C5: variants seen among roughly 807,000 people sequenced by gnomAD.
C5 encodes C3 and PZP-like alpha-2-macroglobulin domain-containing protein 4.
A neutral mutation model predicts 218.8 loss-of-function variants in C5; 140 were observed. The ratio of observed to expected loss-of-function variants is 0.64; its 90% CI spans 0.56 to 0.74. The LOEUF is 0.74. C5 is among the 30% of genes least tolerant of loss of function. The pLI is 0.00. For missense variants in C5, 1,700 were observed against 1,969.6 expected (o/e 0.86, Z 2.59); for synonymous variants, 614 against 682.3 (o/e 0.90, Z 1.56).
intron 5 of C5, among the ~76,000 whole-genome samples, chr9:121,033,902 TTTCC>T (rs41308014): frequency 0.22 from 33,384 of 148,972 alleles, 4,524 homozygotes; most frequent in African/African-American, 0.38. Flanking sequence ...TCCCTCTTTC[TTTCC>T]TTCCTTCCTT....
At chr9:121,005,648 C>G (rs545137753) in intron 20 of C5, among the ~76,000 whole-genome samples, 2 of 152,298 alleles carry the variant, frequency 1.3e-5, no homozygotes, top group South Asian at 4.1e-4. Flanking sequence ...GATGAATTCA[C>G]CCTTCTCTGG....
At chr9:121,053,484 A>ACC (rs1187999692), upstream of C5, among the ~76,000 whole-genome samples, 2 of 151,554 alleles carry the variant, frequency 1.3e-5, no homozygotes, top group East Asian at 1.9e-4. Context: ...GCTGAATAGA[A>ACC]CCCCCCCCGA....
chr9:120,979,032 G>A (rs1253884046), intron 28 of C5, among the ~76,000 whole-genome samples: 3 of 152,114 alleles, frequency 2.0e-5, no homozygotes, highest in Non-Finnish European at 2.9e-5. Context: ...CTTTGTCCAC[G>A]GCACAACTGT....
chr9:121,027,311 G>T, intron 7 of C5, 37 bp from the exon 8 acceptor site: 2 of 960,302 alleles, frequency 2.1e-6, no homozygotes, highest in South Asian at 1.3e-5. Context: ...TTACTAACAT[G>T]GTTACAATAA....
Position 121,005,970 on chromosome 9 carries a change from T to C in C5, c.2511A>G (p.Glu837=), listed in dbSNP as rs772315238. The change falls in exon 20 of 41, where the codon GAA becomes GAG. Residue 837 remains glutamate, a synonymous_variant. Transcript: ENST00000223642. The part of the protein sequence containing the change: ...MNIPYSVVRG[E]QIQLKGTVYN... ...AAACAGTTCCTTTCAATTGGATCTG[T>C]TCTCCTCGTACAACAGAATATGGTA... 3.7e-6 allele frequency: 6 copies of C among 1,613,654 alleles called. No individual in the cohort carries two copies. The East Asian group carries it at 8.9e-5, about 24-fold the overall frequency.
Position 120,982,768 on chromosome 9 carries a change from C to G in C5, c.3277G>C (p.Val1093Leu), listed in dbSNP as rs371131390. Reference sequence around the variant, plus strand: ...CAAATTGAATTTTGGTTCTGCTCTACGTATTTATTTACTTGTCCAAGTACT... The same window carrying G: ...CAAATTGAATTTTGGTTCTGCTCTAGGTATTTATTTACTTGTCCAAGTACT... ...LRVLGQVNKY[V>L]EQNQNSICNS... The change falls in exon 26 of 41, where the codon GTA becomes CTA. Residue 1093 changes from valine (V) to leucine (L), a missense_variant. Coordinates refer to ENST00000223642, the MANE Select transcript of C5 (RefSeq NM_001735.3). 3 of 1,600,560 alleles carry G rather than the reference C, an allele frequency of 1.9e-6. No individual in the cohort carries two copies. Among genetic ancestry groups the G allele is most frequent in the Non-Finnish European group, 1.7e-6 (2 of 1,168,566 alleles).
intron 37 of C5, among the ~76,000 whole-genome samples, chr9:120,960,719 T>C (rs571998411): frequency 6.6e-6 from 1 of 152,366 alleles, no homozygotes; most frequent in East Asian, 1.9e-4. Context: ...ATTTTATGTA[T>C]GGCCCAAGAC....
At chr9:121,008,334 A>T in intron 18 of C5, 74 bp downstream of exon 18, 1 of 993,898 alleles carries the variant, frequency 1.0e-6, no homozygotes, top group Non-Finnish European at 1.6e-6. Flanking sequence ...GGAAATGGGT[A>T]GTTTCTAGAT....
At chr9:120,983,538 T>C (rs41311897) in intron 25 of C5, among the ~76,000 whole-genome samples, 11,562 of 152,306 alleles carry the variant, frequency 0.076, 485 homozygotes, top group Non-Finnish European at 0.091. Context: ...TTCTTTTTCA[T>C]TTTCATTTTT....
Position 120,952,632 on chromosome 9 carries a change from C to A in C5, c.*107G>T. The A allele has an allele frequency of 1.8e-6, 2 of 1,137,884 alleles. No homozygotes were observed. Among genetic ancestry groups the A allele is most frequent in the Non-Finnish European group, 2.6e-6 (2 of 777,298 alleles). The allele number at this position is 1,137,884 out of a possible 1,614,324, so 70.5% of individuals were successfully genotyped here. ...CTAATTCTAAGTAAAGTGAGCTTTA[C>A]AAATAAGACCAGCTATGAATGTTTA... On this transcript the variant is annotated 3_prime_UTR_variant, in exon 41 of 41. Coordinates refer to ENST00000223642, the MANE Select transcript of C5 (RefSeq NM_001735.3).
At position 120,969,108 on chromosome 9, in the gene C5, G is replaced by T. The variant is rs1473909186; in HGVS notation, c.4173C>A (p.Tyr1391Ter). ...TGTAATCAGAGTTTCCGTAGCCTCT[G>T]TAGTGGGATGCTGGCACATAAGACA... ...IDTQDIEASH[Y>*]RGYGNSDYKR... Residue 1391 changes from tyrosine (Y) to a stop codon, truncating the protein, a stop_gained, in exon 33 of 41, where the codon TAC (tyrosine) becomes TAA (stop). Coordinates refer to ENST00000223642, the MANE Select transcript of C5 (RefSeq NM_001735.3). LOFTEE classifies it high-confidence loss of function. 2 of 1,613,724 alleles carry T rather than the reference G, an allele frequency of 1.2e-6. No individual in the cohort carries two copies. Among genetic ancestry groups the T allele is most frequent in the East Asian group, 4.5e-5 (2 of 44,876 alleles).
rs373834514 is a variant in C5 at position 120,997,427 on chromosome 9, T to C, written c.2790+120A>G. On this transcript the variant is annotated intron_variant, in intron 21 of 40. Coordinates refer to ENST00000223642, the MANE Select transcript of C5 (RefSeq NM_001735.3). ...CAAAAAAAATCTGGAATAACCTCCA[T>C]CCAGTTTCCTTAATGCTTAATGTTT... 2.2e-4 allele frequency: 175 copies of C among 785,692 alleles called. 1 individual carries two copies. The African/African-American group carries it at 2.7e-3, about 12-fold the overall frequency. The allele number at this position is 785,692 out of a possible 1,614,324, so 48.7% of individuals were successfully genotyped here. A position where few individuals can be genotyped will look rare whatever the true frequency, so the allele number is the denominator to read the frequency against.
chr9:121,000,000 A>G (rs1297477253), intron 20 of C5: 1 of 431,316 alleles, frequency 2.3e-6, no homozygotes, highest in Admixed American at 2.6e-5. Flanking sequence ...CGGAGCTTGC[A>G]GTGACCCGAG....
In C5 at chr9:120,953,780, G is replaced by A; in HGVS notation, c.4851C>T (p.Tyr1617=). 4 of 1,613,898 alleles carry A rather than the reference G, an allele frequency of 2.5e-6. No individual in the cohort carries two copies. Among genetic ancestry groups the A allele is most frequent in the Non-Finnish European group, 3.4e-6 (4 of 1,179,794 alleles). The part of the protein sequence containing the change: ...TNAELVKGRQ[Y]LIMGKEALQI... ...GGAGGGCTTCTTTACCCATAATTAA[G>A]TACTGTCTTCCTTTTACCAGCTCAG... is the stretch of plus-strand genomic sequence containing the variant. Residue 1617 remains tyrosine, a synonymous_variant, in exon 40 of 41, where the codon TAC becomes TAT. Transcript: ENST00000223642.
At chr9:121,066,164 T>C in the C5 span, among the ~76,000 whole-genome samples, 2 of 149,568 alleles carry the variant, frequency 1.3e-5, no homozygotes, top group Non-Finnish European at 3.0e-5. Flanking sequence ...ATACAAAAAT[T>C]AGCCGGGAGT....
intron 5 of C5, among the ~76,000 whole-genome samples, chr9:121,033,380 C>A (rs1718597104): frequency 6.6e-6 from 1 of 152,224 alleles, no homozygotes; most frequent in Admixed American, 6.5e-5. Context: ...CAAGAGATTA[C>A]ATTACATCAT....
chr9:120,970,344 C>T (rs1177929773), intron 31 of C5, 93 bp from the exon 32 acceptor site: 8 of 806,034 alleles, frequency 9.9e-6, no homozygotes, highest in Middle Eastern at 2.2e-4. Flanking sequence ...ATGGGATGCT[C>T]GAAGGATCAT....
rs751436873 is a variant in C5 at position 121,046,329 on chromosome 9, C to G, written c.120G>C (p.Val40=). Residue 40 remains valine, a synonymous_variant, in exon 2 of 41, where the codon GTG becomes GTC. Coordinates refer to ENST00000223642, the MANE Select transcript of C5 (RefSeq NM_001735.3). Reference sequence around the variant, plus strand: ...CTTCAGTGTATCCATAAACTTGAATCACAATATTTTCAGATGCTCCAACAC... The same window carrying G: ...CTTCAGTGTATCCATAAACTTGAATGACAATATTTTCAGATGCTCCAACAC... ...IFRVGASENI[V]IQVYGYTEAF... is the part of the protein sequence containing the mutation. 6.2e-7 allele frequency: 1 copy of G among 1,612,464 alleles called. No homozygotes were observed. Among genetic ancestry groups the G allele is most frequent in the South Asian group, 1.1e-5 (1 of 91,026 alleles).
chr9:121,034,024 G>A (rs1177834353), intron 5 of C5, among the ~76,000 whole-genome samples: 2 of 151,898 alleles, frequency 1.3e-5, no homozygotes, highest in Non-Finnish European at 2.9e-5. Flanking sequence ...AGATTCAAGC[G>A]ATTCTCCTGC....
Sources: gnomAD v4.1 joint callset for allele counts (sites outside exome capture counted in the v4.1 genomes callset) on GRCh38, gnomAD v4.1.1 for gene constraint, MANE v1.5 for transcripts, NCBI Gene and HGNC (gene_info 2026-07-23, HGNC 2026-07-21) for gene names.